Variants in RAP1GAP2 observed in about 807,000 individuals in gnomAD.
RAP1GAP2 encodes RAP1 GTPase activating protein 2, also known as rap1 GTPase-activating protein 2.
RAP1GAP2 carries 27 observed loss-of-function variants against 95.0 expected under a neutral mutation model. The ratio of observed to expected loss-of-function variants is 0.28; its 90% CI spans 0.21 to 0.39. RAP1GAP2 has a LOEUF of 0.39. Among genes scored for constraint, RAP1GAP2 ranks in the 10% least tolerant of loss-of-function variants. The pLI is 1.00. For synonymous variants in RAP1GAP2, 373 were observed against 380.9 expected (o/e 0.98, Z 0.24); for missense variants, 771 against 970.0 (o/e 0.79, Z 2.72).
At chr17:2,909,829 G>A (rs1013786677) in intron 3 of RAP1GAP2, among the ~76,000 whole-genome samples, 2 of 152,232 alleles carry the variant, frequency 1.3e-5, no homozygotes, top group Admixed American at 6.5e-5. Flanking sequence ...ATTGTCCTGG[G>A]GACTCAGACT....
intron 23 of RAP1GAP2, 50 bp from the exon 24 acceptor site, chr17:3,032,361 C>T (rs372007542): frequency 1.2e-6 from 2 of 1,611,992 alleles, no homozygotes; most frequent in South Asian, 2.2e-5. Context: ...GTGGAAGGGA[C>T]CTGTGCTGTC....
Position 2,857,920 on chromosome 17 carries a change from C to G in RAP1GAP2, c.81-47364C>G, listed in dbSNP as rs898897211. On this transcript the variant is annotated intron_variant, in intron 2 of 24. Coordinates refer to ENST00000254695, the MANE Select transcript of RAP1GAP2 (RefSeq NM_015085.5). This position sits in a 1 kb window ranked among gnomAD's most constrained non-coding sequence, Gnocchi z 4.0. ...TTGAAAACCACCCTGGCCAACATGG[C>G]AAAAACCCATCTCTACTAAAAATGC... Among the ~76,000 whole-genome samples the G allele has an allele frequency of 6.6e-6, 1 of 152,096 alleles. No homozygotes were observed. Among genetic ancestry groups the G allele is most frequent in the African/African-American group, 2.4e-5 (1 of 41,416 alleles).
chr17:2,910,836 C>T (rs1335588705), intron 3 of RAP1GAP2, among the ~76,000 whole-genome samples: 2 of 152,186 alleles, frequency 1.3e-5, no homozygotes, highest in Non-Finnish European at 2.9e-5. Context: ...AGCAGTTCTC[C>T]TGCCCCAGCG....
intron 2 of RAP1GAP2, among the ~76,000 whole-genome samples, chr17:2,872,774 C>A (rs1335143349): frequency 6.6e-6 from 1 of 151,826 alleles, no homozygotes; most frequent in Non-Finnish European, 1.5e-5. Flanking sequence ...GCTTTGACCT[C>A]CTGGGCTCAA....
At chr17:2,934,362 C>G (rs1361093492) in intron 3 of RAP1GAP2, among the ~76,000 whole-genome samples, 1 of 152,166 alleles carries the variant, frequency 6.6e-6, no homozygotes, top group Non-Finnish European at 1.5e-5. Context: ...GAACTCCTGA[C>G]CTCAGGTGAT....
chr17:2,914,717 C>G (rs2042509497), intron 3 of RAP1GAP2, among the ~76,000 whole-genome samples: 1 of 151,132 alleles, frequency 6.6e-6, no homozygotes, highest in Admixed American at 6.6e-5. Flanking sequence ...GTCTCAATCT[C>G]CTGACCTTGT....
At position 2,984,709 on chromosome 17, in the gene RAP1GAP2, C is replaced by T. The variant is rs59810097; in HGVS notation, c.730-274C>T. On this transcript the variant is annotated intron_variant, in intron 10 of 24. Coordinates refer to ENST00000254695, the MANE Select transcript of RAP1GAP2 (RefSeq NM_015085.5). ...AAGTAAGCTGCTGGACACATGTGCC[C>T]GAGCCTTGACTGGCACATCTGGATG... 7.8e-3 allele frequency among the ~76,000 whole-genome samples: 1,185 copies of T among 152,236 alleles called. 13 individuals carry two copies. The highest frequency in any genetic ancestry group is 0.027 in the African/African-American group (1,124 of 41,550).
At position 2,902,428 on chromosome 17, in the gene RAP1GAP2, G is replaced by A. The variant is rs1319948234; in HGVS notation, c.81-2856G>A. ...GACGGGGTTTCGCCACGTTGAACAG[G>A]CTGGTTTGGAACTCCTGACCTCAAG... On this transcript the variant is annotated intron_variant, in intron 2 of 24. Transcript: ENST00000254695. This position sits in a 1 kb window ranked among gnomAD's most constrained non-coding sequence, Gnocchi z 4.1. 6.6e-6 allele frequency among the ~76,000 whole-genome samples: 1 copy of A among 152,130 alleles called. No homozygotes were observed. Among genetic ancestry groups the A allele is most frequent in the Non-Finnish European group, 1.5e-5 (1 of 68,018 alleles).
In RAP1GAP2 at chr17:2,797,479, G is replaced by A. The variant is rs1356103305; in HGVS notation, c.44+908G>A. On this transcript the variant is annotated intron_variant, in intron 1 of 24. Coordinates refer to ENST00000254695, the MANE Select transcript of RAP1GAP2 (RefSeq NM_015085.5). The surrounding 1 kb of genome is among the most constrained non-coding windows in gnomAD (Gnocchi z 5.6). ...CTGGGGGCGTTGTCAGACTGGGAGA[G>A]GGCCCCGCGGGAGGTGGCCGGGGGG... 2.0e-5 allele frequency among the ~76,000 whole-genome samples: 3 copies of A among 152,026 alleles called. No homozygotes were observed. Among genetic ancestry groups the A allele is most frequent in the Non-Finnish European group, 2.9e-5 (2 of 68,010 alleles).
At position 2,871,545 on chromosome 17, in the gene RAP1GAP2, C is replaced by T. The variant is rs1320892611; in HGVS notation, c.81-33739C>T. On this transcript the variant is annotated intron_variant, in intron 2 of 24. Transcript: ENST00000254695. This position sits in a 1 kb window ranked among gnomAD's most constrained non-coding sequence, Gnocchi z 5.0. Reference sequence around the variant, plus strand: ...TTCATTACAGAGGAGGGAGAGGCAACAGCGGTAGGGCCAGCAAACACCATA... The same window carrying T: ...TTCATTACAGAGGAGGGAGAGGCAATAGCGGTAGGGCCAGCAAACACCATA... 6.6e-6 allele frequency among the ~76,000 whole-genome samples: 1 copy of T among 152,162 alleles called. No homozygotes were observed. The highest frequency in any genetic ancestry group is 6.5e-5 in the Admixed American group (1 of 15,272).
upstream of RAP1GAP2, among the ~76,000 whole-genome samples, chr17:2,791,770 G>C (rs1164214543): frequency 2.0e-5 from 3 of 151,990 alleles, no homozygotes; most frequent in Non-Finnish European, 4.4e-5. Flanking sequence ...GCTGCTGAGA[G>C]TCAGCTGAGC....
chr17:2,936,114 T>A (rs58902441), intron 3 of RAP1GAP2, among the ~76,000 whole-genome samples: 11,545 of 151,704 alleles, frequency 0.076, 564 homozygotes, highest in Middle Eastern at 0.12. Context: ...TTTTTTTTTT[T>A]TTATTATTAT....
intron 3 of RAP1GAP2, among the ~76,000 whole-genome samples, chr17:2,937,040 G>T (rs1767717931): frequency 6.6e-6 from 1 of 152,246 alleles, no homozygotes; most frequent in South Asian, 2.1e-4. Context: ...TTAAAGCTGA[G>T]AGTTAAAGTG....
In RAP1GAP2 at chr17:2,797,389, GCTT is replaced by G. The variant is rs2069123314; in HGVS notation, c.44+823_44+825del. Reference sequence around the variant, plus strand: ...TTGTCTCTGGTTCCCAGTGCTGGCAGCTTCTTCGCAGCTGGGGAACAGAGTCTG... The same window carrying G: ...TTGTCTCTGGTTCCCAGTGCTGGCAGCTTCGCAGCTGGGGAACAGAGTCTG... On this transcript the variant is annotated intron_variant, in intron 1 of 24. Coordinates refer to ENST00000254695, the MANE Select transcript of RAP1GAP2 (RefSeq NM_015085.5). This position sits in a 1 kb window ranked among gnomAD's most constrained non-coding sequence, Gnocchi z 5.6. Among the ~76,000 whole-genome samples the G allele has an allele frequency of 6.6e-6, 1 of 152,194 alleles. No homozygotes were observed. The highest frequency in any genetic ancestry group is 2.4e-5 in the African/African-American group (1 of 41,442).
upstream of RAP1GAP2, among the ~76,000 whole-genome samples, chr17:2,773,364 G>A (rs367906222): frequency 1.4e-4 from 22 of 152,200 alleles, 1 homozygote; most frequent in South Asian, 3.5e-3. Context: ...AAATTAGACC[G>A]GGGGTGGAGC....
At chr17:3,020,362 T>C (rs1402714381) in intron 18 of RAP1GAP2, 115 bp from the exon 19 acceptor site, 3 of 775,340 alleles carry the variant, frequency 3.9e-6, no homozygotes, top group East Asian at 2.7e-5. Flanking sequence ...GCTGTCTTGC[T>C]ATTTTCTGGG....
chr17:2,801,335 C>T (rs188010983), intron 2 of RAP1GAP2, among the ~76,000 whole-genome samples: 2,650 of 151,226 alleles, frequency 0.018, 80 homozygotes, highest in African/African-American at 0.061. Flanking sequence ...ATTAGCTGAG[C>T]GTGATGGCAC....
chr17:2,876,996 C>G (rs574326312), intron 2 of RAP1GAP2, among the ~76,000 whole-genome samples: 1 of 150,026 alleles, frequency 6.7e-6, no homozygotes, highest in Non-Finnish European at 1.5e-5. Context: ...TCAAGCGATT[C>G]TCCTGCCTCA....
At chr17:2,812,678 C>T (rs1303093407) in intron 2 of RAP1GAP2, among the ~76,000 whole-genome samples, 3 of 152,122 alleles carry the variant, frequency 2.0e-5, no homozygotes, top group South Asian at 2.1e-4. Flanking sequence ...TTTGGTTTCA[C>T]CTGGAGGTGC....
Sources: allele counts gnomAD v4.1 joint callset (sites outside exome capture counted in the v4.1 genomes callset), GRCh38; gene constraint gnomAD v4.1.1; non-coding constraint Gnocchi (gnomAD v3.1); transcripts MANE v1.5; gene names NCBI Gene and HGNC (gene_info 2026-07-23, HGNC 2026-07-21).